The following ZNF445 variants were observed in gnomAD, a reference collection of about 807,000 sequenced individuals.
The protein encoded by ZNF445 is zinc finger protein 168.
ZNF445 carries 19 observed loss-of-function variants against 93.9 expected under a neutral mutation model. The ratio of observed to expected loss-of-function variants is 0.20; its 90% CI spans 0.14 to 0.30. The LOEUF is 0.30. Among genes scored for constraint, ZNF445 ranks in the 10% least tolerant of loss-of-function variants. ZNF445 has a pLI of 1.00. For missense variants in ZNF445, 1,058 were observed against 1,259.4 expected, an observed-to-expected ratio of 0.84 and a Z score of 2.42; for synonymous variants, 449 against 446.3, an observed-to-expected ratio of 1.01 and a Z score of -0.08.
In ZNF445 at chr3:44,434,141, G is replaced by C. The variant is rs1477885406; in HGVS notation, c.*12434C>G. ...AAGAGAGAGAAAAAGGGCCTGGCTT[G>C]GTGGCTCACTTCTGTAATCCCAGCA... is the stretch of plus-strand genomic sequence containing the variant. On this transcript the variant is annotated 3_prime_UTR_variant, in exon 8 of 8. Coordinates refer to ENST00000396077, the MANE Select transcript of ZNF445 (RefSeq NM_181489.6). 1 of 151,938 alleles carries C rather than the reference G, an allele frequency of 6.6e-6. No individual in the cohort carries two copies. The highest frequency in any genetic ancestry group is 6.6e-5 in the Admixed American group (1 of 15,240). The allele number at this position is 151,938 out of a possible 1,614,324, so 9.4% of individuals were successfully genotyped here. A position where few individuals can be genotyped will look rare whatever the true frequency, so the allele number is the denominator to read the frequency against.
intron 1 of ZNF445, among the ~76,000 whole-genome samples, chr3:44,471,252 A>C (rs976290515): frequency 2.0e-5 from 3 of 152,210 alleles, no homozygotes; most frequent in Non-Finnish European, 4.4e-5. Context: ...TTTATCTAGA[A>C]GTAAAAGTAC....
At chr3:44,475,104 CA>C (rs1008451146) in intron 1 of ZNF445, among the ~76,000 whole-genome samples, 7 of 151,188 alleles carry the variant, frequency 4.6e-5, no homozygotes, top group Non-Finnish European at 1.0e-4. Context: ...AACTCTGTCT[CA>C]AAAAAAAGGT....
In ZNF445 at chr3:44,447,530, C is replaced by T; in HGVS notation, c.2141G>A (p.Cys714Tyr). 6.2e-7 allele frequency: 1 copy of T among 1,614,190 alleles called. No homozygotes were observed. The highest frequency in any genetic ancestry group is 8.5e-7 in the Non-Finnish European group (1 of 1,180,022). The change falls in exon 8 of 8, where the codon TGT (cysteine) becomes TAT (tyrosine). Residue 714 changes from cysteine (C) to tyrosine (Y), a missense_variant. Coordinates refer to ENST00000396077, the MANE Select transcript of ZNF445 (RefSeq NM_181489.6). This position sits in a 1 kb window ranked among gnomAD's most constrained non-coding sequence, Gnocchi z 4.7. Reference sequence around the variant, plus strand: ...TGACCTATAGGCAAAGTCCTTCCCACAATCGCTACACTGGTAAGGTTTCTC... The same window carrying T: ...TGACCTATAGGCAAAGTCCTTCCCATAATCGCTACACTGGTAAGGTTTCTC... ...TGEKPYQCSD[C>Y]GKDFAYRSAF... is the part of the protein sequence containing the mutation.
rs758892729 is a variant in ZNF445, at chr3:44,446,909, G to C, written c.2762C>G (p.Ala921Gly). The C allele has an allele frequency of 6.2e-7, 1 of 1,614,070 alleles. No individual in the cohort carries two copies. Among genetic ancestry groups the C allele is most frequent in the Non-Finnish European group, 8.5e-7 (1 of 1,180,046 alleles). The change falls in exon 8 of 8, where the codon GCA (alanine) becomes GGA (glycine). Residue 921 changes from alanine to glycine, a missense_variant. Physicochemically the swap from Ala to Gly is moderately conservative, Grantham distance 60 (BLOSUM62 0). Around this residue, in one of 3 missense-constraint regions of ZNF445, gnomAD observed 387 missense variants for 475.7 expected, o/e 0.81. Coordinates refer to ENST00000396077, the MANE Select transcript of ZNF445 (RefSeq NM_181489.6). The surrounding 1 kb of genome is among the most constrained non-coding windows in gnomAD (Gnocchi z 4.2). ...AGGCGGGCTACGTTCAGCCTGTGCT[G>C]CTCTGGTGTGTTTCCTCTGGTGACT... ...LSSHQRKHTRAAQAERSPPAR... is the reference protein window; with the variant it reads ...LSSHQRKHTRGAQAERSPPAR...
At position 44,440,795 on chromosome 3, in the gene ZNF445, T is replaced by C. The variant is rs573737832; in HGVS notation, c.*5780A>G. The C allele has an allele frequency of 7.9e-5, 12 of 152,352 alleles. No homozygotes were observed. Among genetic ancestry groups the C allele is most frequent in the African/African-American group, 2.9e-4 (12 of 41,586 alleles). The allele number at this position is 152,352 out of a possible 1,614,324, so 9.4% of individuals were successfully genotyped here. ...TTTTTATGGTTATTTATTGATTATA[T>C]GCTAAACAAGGGGTAGATTATTCAT... On this transcript the variant is annotated 3_prime_UTR_variant, in exon 8 of 8. Coordinates refer to ENST00000396077, the MANE Select transcript of ZNF445 (RefSeq NM_181489.6).
At chr3:44,473,536 T>C (rs768140920) in intron 1 of ZNF445, among the ~76,000 whole-genome samples, 8 of 151,630 alleles carry the variant, frequency 5.3e-5, no homozygotes, top group Non-Finnish European at 1.0e-4. Context: ...ATAATATTTA[T>C]ATTCATTTAC....
In ZNF445 at chr3:44,448,527, G is replaced by T; in HGVS notation, c.1144C>A (p.His382Asn). The T allele has an allele frequency of 6.2e-7, 1 of 1,614,008 alleles. No homozygotes were observed. Among genetic ancestry groups the T allele is most frequent in the African/African-American group, 1.3e-5 (1 of 75,036 alleles). The change falls in exon 8 of 8, where the codon CAC becomes AAC. Residue 382 changes from histidine to asparagine, a missense_variant. Around this residue, in one of 3 missense-constraint regions of ZNF445, gnomAD observed 657 missense variants for 746.4 expected, o/e 0.88. Transcript: ENST00000396077. ...RVKKEETNFSHRTGKDSEVSG... is the reference protein window; with the variant it reads ...RVKKEETNFSNRTGKDSEVSG... Reference sequence around the variant, plus strand: ...ACTTCAGAGTCTTTTCCTGTCCTGTGACTGAAATTGGTCTCTTCTTTCTTA... The same window carrying T: ...ACTTCAGAGTCTTTTCCTGTCCTGTTACTGAAATTGGTCTCTTCTTTCTTA...
Position 44,432,261 on chromosome 3 carries a change from G to GTGTGTGTC in ZNF445, c.*14313_*14314insGACACACA, listed in dbSNP as rs1553610143. ...TATTGGAACACATCTACACTCATTT[G>GTGTGTGTC]TGTGTGTGTGTCTGTGTGTGTGTGT... On this transcript the variant is annotated 3_prime_UTR_variant, in exon 8 of 8. Coordinates refer to ENST00000396077, the MANE Select transcript of ZNF445 (RefSeq NM_181489.6). 5 of 136,128 alleles carry GTGTGTGTC rather than the reference G, an allele frequency of 3.7e-5. No homozygotes were observed. The highest frequency in any genetic ancestry group is 1.2e-4 in the African/African-American group (4 of 34,016). The allele number at this position is 136,128 out of a possible 1,614,324, so 8.4% of individuals were successfully genotyped here. A position where few individuals can be genotyped will look rare whatever the true frequency, so the allele number is the denominator to read the frequency against.
intron 1 of ZNF445, among the ~76,000 whole-genome samples, chr3:44,464,364 G>A (rs1250701287): frequency 6.6e-6 from 1 of 152,040 alleles, no homozygotes; most frequent in Non-Finnish European, 1.5e-5. Context: ...TAAAGAAACT[G>A]GCAAATGAAA....
In ZNF445 at chr3:44,449,414, A is replaced by C. The variant is rs1697927756; in HGVS notation, c.931+99T>G. 5.9e-6 allele frequency: 6 copies of C among 1,019,904 alleles called. No homozygotes were observed. In the Admixed American group the frequency reaches 9.5e-5, roughly 16 times the overall value. The allele number at this position is 1,019,904 out of a possible 1,614,324, so 63.2% of individuals were successfully genotyped here. ...CAACACTGTTAAAGATCTTCCTTCCAGCAAACAATGGAGTAAATTCCCAGT... is the reference window on the plus strand; with the variant it reads ...CAACACTGTTAAAGATCTTCCTTCCCGCAAACAATGGAGTAAATTCCCAGT... On this transcript the variant is annotated intron_variant, in intron 7 of 7. Coordinates refer to ENST00000396077, the MANE Select transcript of ZNF445 (RefSeq NM_181489.6).
In ZNF445 at chr3:44,455,363, A is replaced by G. The variant is rs1359326554; in HGVS notation, c.187T>C (p.Tyr63His). 6.2e-7 allele frequency: 1 copy of G among 1,614,098 alleles called. No homozygotes were observed. ...LFRQLFRQLR[Y>H]HESSGPLETL... ...TCTAGGGGCCCTGAAGACTCATGGT[A>G]GCGAAGCTGTCTGAAGAGCTGGCGG... The change falls in exon 3 of 8, where the codon TAC (tyrosine) becomes CAC (histidine). Residue 63 changes from tyrosine (Y) to histidine (H), a missense_variant. This residue lies in a region of ZNF445 where 657 missense variants were observed against 746.4 expected (regional missense o/e 0.88). Transcript: ENST00000396077.
At chr3:44,453,596 G>A (rs1697985649) in intron 3 of ZNF445, among the ~76,000 whole-genome samples, 1 of 152,166 alleles carries the variant, frequency 6.6e-6, no homozygotes, top group Non-Finnish European at 1.5e-5. Context: ...CGCCTGGCCA[G>A]AATCATGTAT....
In ZNF445 at chr3:44,455,632, C is replaced by T. The variant is rs1223430303; in HGVS notation, c.-83G>A. 5.5e-6 allele frequency: 7 copies of T among 1,279,218 alleles called. No homozygotes were observed. The highest frequency in any genetic ancestry group is 4.5e-5 in the South Asian group (3 of 66,326). The allele number at this position is 1,279,218 out of a possible 1,614,324, so 79.2% of individuals were successfully genotyped here. On this transcript the variant is annotated 5_prime_UTR_variant, in exon 3 of 8. Transcript: ENST00000396077. The stretch of plus-strand genomic sequence containing the variant: ...TCCTCAGAAGTATCTTCTCAGCAGT[C>T]AACAATGCCAACATTTGCTGGGACA...
At position 44,436,022 on chromosome 3, in the gene ZNF445, T is replaced by A. The variant is rs929634190; in HGVS notation, c.*10553A>T. Reference sequence around the variant, plus strand: ...GCCTAGGAAGATAAAAAGTATAAATTATTGTCAGTGCAGCAGGGTCCTACT... The same window carrying A: ...GCCTAGGAAGATAAAAAGTATAAATAATTGTCAGTGCAGCAGGGTCCTACT... On this transcript the variant is annotated 3_prime_UTR_variant, in exon 8 of 8. Transcript: ENST00000396077. 2 of 152,254 alleles carry A rather than the reference T, an allele frequency of 1.3e-5. No homozygotes were observed. Among genetic ancestry groups the A allele is most frequent in the South Asian group, 4.1e-4 (2 of 4,828 alleles). 9.4% of individuals were successfully genotyped at this position (152,254 alleles called of 1,614,324 possible).
chr3:44,446,923 C>T lies in ZNF445; in HGVS notation c.2748G>A (p.Arg916=). The T allele has an allele frequency of 6.2e-7, 1 of 1,614,112 alleles. No individual in the cohort carries two copies. The highest frequency in any genetic ancestry group is 1.1e-5 in the South Asian group (1 of 91,082). ...IGRHTLSSHQ[R]KHTRAAQAER... The stretch of plus-strand genomic sequence containing the variant: ...CAGCCTGTGCTGCTCTGGTGTGTTT[C>T]CTCTGGTGACTGGAAAGGGTATGTC... The change falls in exon 8 of 8, where the codon AGG becomes AGA. Residue 916 remains arginine, a synonymous_variant. Coordinates refer to ENST00000396077, the MANE Select transcript of ZNF445 (RefSeq NM_181489.6). This position sits in a 1 kb window ranked among gnomAD's most constrained non-coding sequence, Gnocchi z 4.2.
At chr3:44,477,416 G>C (rs552871786) in intron 1 of ZNF445, among the ~76,000 whole-genome samples, 175 bp downstream of exon 1, 2 of 152,288 alleles carry the variant, frequency 1.3e-5, no homozygotes, top group South Asian at 2.1e-4. Flanking sequence ...AGAGGTTCTA[G>C]ATACGCCCTC....
At chr3:44,458,889 CAAG>C (rs2125681963) in intron 1 of ZNF445, among the ~76,000 whole-genome samples, 1 of 152,256 alleles carries the variant, frequency 6.6e-6, no homozygotes, top group South Asian at 2.1e-4. Flanking sequence ...GCGGAGAGGC[CAAG>C]AAGAATTTGA....
Position 44,436,775 on chromosome 3 carries a change from A to AC in ZNF445, c.*9799_*9800insG, listed in dbSNP as rs79672283. 109,241 of 151,962 alleles carry AC rather than the reference A, an allele frequency of 0.72. 39,821 individuals carry two copies. The highest frequency in any genetic ancestry group is 1 in the East Asian group (5,164 of 5,168). The allele number at this position is 151,962 out of a possible 1,614,324, so 9.4% of individuals were successfully genotyped here. Reference sequence around the variant, plus strand: ...CAGTGAGTCCATATCTCAACAACTCAAAGCAAATGAAGACAGCCATTCTCA... The same window carrying AC: ...CAGTGAGTCCATATCTCAACAACTCACAAGCAAATGAAGACAGCCATTCTCA... On this transcript the variant is annotated 3_prime_UTR_variant, in exon 8 of 8. Coordinates refer to ENST00000396077, the MANE Select transcript of ZNF445 (RefSeq NM_181489.6).
intron 1 of ZNF445, among the ~76,000 whole-genome samples, chr3:44,464,734 T>C (rs1254993518): frequency 6.6e-6 from 1 of 152,212 alleles, no homozygotes; most frequent in Admixed American, 6.5e-5. Flanking sequence ...GCCCGTTGGC[T>C]ATGCTAAAAA....
Sources: allele counts gnomAD v4.1 joint callset (sites outside exome capture counted in the v4.1 genomes callset), GRCh38; gene constraint gnomAD v4.1.1; regional missense constraint gnomAD v4.1.1; non-coding constraint Gnocchi (gnomAD v3.1); transcripts MANE v1.5; gene names NCBI Gene and HGNC (gene_info 2026-07-23, HGNC 2026-07-21).